Variants in MYRF observed in about 807,000 individuals in gnomAD.
MYRF encodes myelin regulatory factor.
Under a neutral mutation model 126.3 loss-of-function variants are expected in MYRF, and 16 were observed. The ratio of observed to expected loss-of-function variants is 0.13; its 90% CI spans 0.09 to 0.19. The LOEUF is 0.19. MYRF is among the 10% of genes least tolerant of loss of function. The probability of loss-of-function intolerance (pLI) is 1.00; values close to 1 mark genes in which losing one functional copy is unlikely to be tolerated. For missense variants in MYRF, 1,104 were observed against 1,547.0 expected, an observed-to-expected ratio of 0.71 and a Z score of 4.80; for synonymous variants, 608 against 635.3, an observed-to-expected ratio of 0.96 and a Z score of 0.65.
rs1277068311 is a variant in MYRF at position 61,787,974 on chromosome 11, G to A, written c.*1831G>A. 1 of 152,778 alleles carries A rather than the reference G, an allele frequency of 6.5e-6. No homozygotes were observed. The highest frequency in any genetic ancestry group is 2.4e-5 in the African/African-American group (1 of 41,444). 9.5% of individuals were successfully genotyped at this position (152,778 alleles called of 1,614,324 possible). A position where few individuals can be genotyped will look rare whatever the true frequency, so the allele number is the denominator to read the frequency against. ...GCAGCTGGCTCTGTTTCCAAGCCTG[G>A]GGAGGGGTTCCTCAGTGCAGGAGTT... On this transcript the variant is annotated 3_prime_UTR_variant, in exon 27 of 27. Transcript: ENST00000278836.
Position 61,783,967 on chromosome 11 carries a change from A to G in MYRF, c.3194+42A>G. 2 of 1,566,532 alleles carry G rather than the reference A, an allele frequency of 1.3e-6. No individual in the cohort carries two copies. The highest frequency in any genetic ancestry group is 1.7e-6 in the Non-Finnish European group (2 of 1,151,750). ...GGAAGTGGGAGGCAGGAGGGGAGCC[A>G]GGGAGAATCTCCCGCAGAGCCTCAG... On this transcript the variant is annotated intron_variant, in intron 24 of 26. Transcript: ENST00000278836. This position sits in a 1 kb window ranked among gnomAD's most constrained non-coding sequence, Gnocchi z 4.6.
rs1179349258 is a variant in MYRF, at chr11:61,786,790, G to A, written c.*647G>A. ...TTGGCTCCCAAGAAGTCCCAGGGCAGCCGAGGCCAGCCCTGCCTGGGTTGG... is the reference window on the plus strand; with the variant it reads ...TTGGCTCCCAAGAAGTCCCAGGGCAACCGAGGCCAGCCCTGCCTGGGTTGG... On this transcript the variant is annotated 3_prime_UTR_variant, in exon 27 of 27. Coordinates refer to ENST00000278836, the MANE Select transcript of MYRF (RefSeq NM_001127392.3). This position sits in a 1 kb window ranked among gnomAD's most constrained non-coding sequence, Gnocchi z 4.5. The A allele has an allele frequency of 6.5e-6, 1 of 153,132 alleles. No individual in the cohort carries two copies. Among genetic ancestry groups the A allele is most frequent in the East Asian group, 1.9e-4 (1 of 5,318 alleles). The allele number at this position is 153,132 out of a possible 1,614,324, so 9.5% of individuals were successfully genotyped here. A position where few individuals can be genotyped will look rare whatever the true frequency, so the allele number is the denominator to read the frequency against.
At chr11:61,758,210 C>T (rs989417619) in intron 1 of MYRF, among the ~76,000 whole-genome samples, 2 of 152,136 alleles carry the variant, frequency 1.3e-5, no homozygotes, top group Non-Finnish European at 2.9e-5. Context: ...CAGGTCGCAT[C>T]AGTGAGGGAA....
At chr11:61,772,165 G>C (rs990764317) in intron 7 of MYRF, among the ~76,000 whole-genome samples, 1 of 152,198 alleles carries the variant, frequency 6.6e-6, no homozygotes, top group Non-Finnish European at 1.5e-5. Context: ...TGCCAGGGAG[G>C]GGCAGCTGGG....
At chr11:61,766,966 C>T (rs978435557) in intron 3 of MYRF, 1 of 454,316 alleles carries the variant, frequency 2.2e-6, no homozygotes, top group South Asian at 1.6e-5. Context: ...CCAACTTCAG[C>T]TTCCCCATTT....
In MYRF at chr11:61,779,546, GAGGCCCCCC is replaced by G; in HGVS notation, c.2225_2233del (p.Arg742_Pro744del). ...GGGCGGGCAGCGTCCCCCACAAGAA[GAGGCCCCCC>G]AAGGTGGCCAGCAAGGTAGGGGTGA... On this transcript the variant is annotated inframe_deletion, in exon 16 of 27. Transcript: ENST00000278836. 6.0e-6 allele frequency: 9 copies of G among 1,507,986 alleles called. No individual in the cohort carries two copies. Among genetic ancestry groups the G allele is most frequent in the Non-Finnish European group, 8.0e-6 (9 of 1,128,366 alleles). 93.4% of individuals were successfully genotyped at this position (1,507,986 alleles called of 1,614,324 possible).
At chr11:61,779,169 C>A in intron 14 of MYRF, 94 bp from the exon 15 acceptor site, 3 of 1,365,736 alleles carry the variant, frequency 2.2e-6, no homozygotes, top group Non-Finnish European at 2.9e-6. Context: ...AGTGGCCGCC[C>A]CTCCTGCCCC....
At chr11:61,784,534 T>G (rs1036722015) in intron 25 of MYRF, 149 bp downstream of exon 25, 10 of 649,926 alleles carry the variant, frequency 1.5e-5, no homozygotes, top group Non-Finnish European at 2.1e-5. Flanking sequence ...TGGGCCTCTG[T>G]GTCCCAGGGA....
rs2066480109 is a variant in MYRF, at chr11:61,779,417, C to T, written c.2168C>T (p.Ala723Val). 1 of 1,551,254 alleles carries T rather than the reference C, an allele frequency of 6.4e-7. No homozygotes were observed. Residue 723 changes from alanine (A) to valine (V), a missense_variant, in exon 15 of 27, where the codon GCC becomes GTC. By Grantham distance (64) the Ala-to-Val change is moderately conservative. This residue lies in a region of MYRF where 123 missense variants were observed against 209.1 expected (regional missense o/e 0.59). Transcript: ENST00000278836. The stretch of plus-strand genomic sequence containing the variant: ...CTCAAGTCCACCGGCAGCTCGGGCG[C>T]CTTCAGGTAGGGGTGCGGGGTGGGG... Reference protein sequence around the residue: ...DSLKSTGSSGAFSHAGSQFSR... With the variant: ...DSLKSTGSSGVFSHAGSQFSR...
Position 61,785,481 on chromosome 11 carries a change from G to T in MYRF, c.3301-319G>T, listed in dbSNP as rs2066670821. ...CAGCACTGTGTCACTGGATTGTACT[G>T]AGGATGGGGCTAATGAAATACTTTG... On this transcript the variant is annotated intron_variant, in intron 25 of 26. Coordinates refer to ENST00000278836, the MANE Select transcript of MYRF (RefSeq NM_001127392.3). The T allele has an allele frequency of 8.1e-6, 3 of 369,178 alleles. No homozygotes were observed. In the Admixed American group the frequency reaches 1.2e-4, roughly 15 times the overall value. The allele number at this position is 369,178 out of a possible 1,614,324, so 22.9% of individuals were successfully genotyped here.
rs773969674 is a variant in MYRF at position 61,765,606 on chromosome 11, C to T, written c.47-19C>T. ...AGGGAGCTGGGCCTCTTCCCTAGCC[C>T]ATCTCTCCTGCCCTGCAGGCCACGA... On this transcript the variant is annotated intron_variant, in intron 1 of 26. Transcript: ENST00000278836. The T allele has an allele frequency of 4.4e-6, 7 of 1,604,782 alleles. No homozygotes were observed. The highest frequency in any genetic ancestry group is 2.7e-5 in the African/African-American group (2 of 74,620).
intron 7 of MYRF, among the ~76,000 whole-genome samples, chr11:61,772,640 C>T (rs1039546534): frequency 1.1e-4 from 16 of 152,224 alleles, no homozygotes; most frequent in South Asian, 2.1e-4. Context: ...GGGGTGCAGT[C>T]GTATGGCACT....
At chr11:61,780,832 G>A in intron 19 of MYRF, 40 bp downstream of exon 19, 3 of 1,554,622 alleles carry the variant, frequency 1.9e-6, no homozygotes, top group Middle Eastern at 1.7e-4. Context: ...GGCTCCTGCT[G>A]CCCCTCTTCC....
At position 61,776,245 on chromosome 11, in the gene MYRF, G is replaced by A; in HGVS notation, c.1389-77G>A. 1 of 1,563,184 alleles carries A rather than the reference G, an allele frequency of 6.4e-7. No homozygotes were observed. Among genetic ancestry groups the A allele is most frequent in the Non-Finnish European group, 8.8e-7 (1 of 1,139,932 alleles). On this transcript the variant is annotated intron_variant, in intron 9 of 26. Coordinates refer to ENST00000278836, the MANE Select transcript of MYRF (RefSeq NM_001127392.3). The surrounding 1 kb of genome is among the most constrained non-coding windows in gnomAD (Gnocchi z 4.3). Reference sequence around the variant, plus strand: ...GGGTGTCCGCCTCATGTACGTTGCTGGCCTGGGTGCCCCTCAGTGGCGTGG... The same window carrying A: ...GGGTGTCCGCCTCATGTACGTTGCTAGCCTGGGTGCCCCTCAGTGGCGTGG...
chr11:61,753,338 T>TC (rs2065657961), intron 1 of MYRF, among the ~76,000 whole-genome samples: 1 of 151,500 alleles, frequency 6.6e-6, no homozygotes, highest in African/African-American at 2.4e-5. Flanking sequence ...AGCTGGGACC[T>TC]CCCCACTGTG....
intron 5 of MYRF, 66 bp downstream of exon 5, chr11:61,770,591 C>T (rs954025198): frequency 1.9e-5 from 27 of 1,385,904 alleles, no homozygotes; most frequent in Middle Eastern, 1.8e-4. Context: ...GTGGGCAGGG[C>T]GGCGGGCAGG....
At chr11:61,755,386 G>C in intron 1 of MYRF, 1 of 1,600,320 alleles carries the variant, frequency 6.2e-7, no homozygotes. Context: ...CCAGATCGGC[G>C]GGCACAGGGC....
chr11:61,773,004 CTTTT>C (rs144470023), intron 7 of MYRF, among the ~76,000 whole-genome samples: 80 of 130,568 alleles, frequency 6.1e-4, no homozygotes, highest in Non-Finnish European at 6.0e-4. Flanking sequence ...AACAGTTGCT[CTTTT>C]TTTTTTTTTT....
At chr11:61,771,457 C>T (rs757772082) in intron 5 of MYRF, 43 bp from the exon 6 acceptor site, 71 of 1,584,308 alleles carry the variant, frequency 4.5e-5, no homozygotes, top group African/African-American at 9.4e-5. Context: ...GGGAGGGGCT[C>T]GGGGAGAGCC....
Sources: gnomAD v4.1 joint callset for allele counts (sites outside exome capture counted in the v4.1 genomes callset) on GRCh38, gnomAD v4.1.1 for gene constraint, gnomAD v4.1.1 regional missense constraint, Gnocchi (gnomAD v3.1) non-coding constraint, MANE v1.5 for transcripts, NCBI Gene and HGNC (gene_info 2026-07-23, HGNC 2026-07-21) for gene names.